CARD10: variants seen among roughly 807,000 people sequenced by gnomAD.
The protein encoded by CARD10 is caspase recruitment domain-containing protein 10.
Under a neutral mutation model 114.6 loss-of-function variants are expected in CARD10, and 49 were observed. The ratio of observed to expected loss-of-function variants is 0.43; its 90% CI spans 0.34 to 0.54. The LOEUF (loss-of-function observed/expected upper bound fraction) is 0.54, where lower values mean the gene tolerates loss of function less well. Among genes scored for constraint, CARD10 ranks in the 20% least tolerant of loss-of-function variants. CARD10 has a pLI of 0.03. For missense variants in CARD10, 1,206 were observed against 1,397.2 expected (o/e 0.86, Z 2.18); for synonymous variants, 602 against 593.2 (o/e 1.01, Z -0.21).
intron 7 of CARD10, among the ~76,000 whole-genome samples, chr22:37,505,190 G>C (rs1208783751): frequency 6.6e-6 from 1 of 151,890 alleles, no homozygotes; most frequent in Non-Finnish European, 1.5e-5. Context: ...CCAGGCGAGA[G>C]GACAAGAGGA....
At position 37,492,942 on chromosome 22, in the gene CARD10, C is replaced by CACA; in HGVS notation, c.2477-141_2477-140insTGT. ...CCTCCTACACATGCACACACACACA[C>CACA]CCTTAGTAGGACCGACGGTGGCAGT... On this transcript the variant is annotated intron_variant, in intron 16 of 19. Coordinates refer to ENST00000251973, the MANE Select transcript of CARD10 (RefSeq NM_014550.4). The surrounding 1 kb of genome is among the most constrained non-coding windows in gnomAD (Gnocchi z 5.7). The CACA allele has an allele frequency of 1.2e-6, 1 of 848,886 alleles. No homozygotes were observed. Among genetic ancestry groups the CACA allele is most frequent in the Non-Finnish European group, 1.8e-6 (1 of 558,366 alleles). The allele number at this position is 848,886 out of a possible 1,614,324, so 52.6% of individuals were successfully genotyped here. A position where few individuals can be genotyped will look rare whatever the true frequency, so the allele number is the denominator to read the frequency against.
chr22:37,519,360 CCTCGGGCTCCCGGGTCCGCA>C lies in CARD10; in HGVS notation c.-180_-161del. ...CGACTCACCCCGCACGCTACAGTCGCCTCGGGCTCCCGGGTCCGCACTCGGGCGGCGGCTCCGCCGGCGCA... is the reference window on the plus strand; with the variant it reads ...CGACTCACCCCGCACGCTACAGTCGCCTCGGGCGGCGGCTCCGCCGGCGCA... On this transcript the variant is annotated 5_prime_UTR_variant, in exon 1 of 20. Transcript: ENST00000251973. This position sits in a 1 kb window ranked among gnomAD's most constrained non-coding sequence, Gnocchi z 4.1. 8.1e-7 allele frequency: 1 copy of C among 1,234,954 alleles called. No individual in the cohort carries two copies. The highest frequency in any genetic ancestry group is 1.0e-6 in the Non-Finnish European group (1 of 989,680). The allele number at this position is 1,234,954 out of a possible 1,614,324, so 76.5% of individuals were successfully genotyped here.
intron 3 of CARD10, among the ~76,000 whole-genome samples, chr22:37,511,275 T>G (rs1226923489): frequency 6.8e-6 from 1 of 147,132 alleles, no homozygotes; most frequent in African/African-American, 2.5e-5. Flanking sequence ...GAGAATCACT[T>G]GAGCTTTGGG....
In CARD10 at chr22:37,491,665, G is replaced by GGA; in HGVS notation, c.2864+88_2864+89dup. 4.8e-6 allele frequency: 3 copies of GGA among 627,060 alleles called. No individual in the cohort carries two copies. The Admixed American group carries it at 6.5e-5, about 14-fold the overall frequency. 38.8% of individuals were successfully genotyped at this position (627,060 alleles called of 1,614,324 possible). On this transcript the variant is annotated intron_variant, in intron 19 of 19. Transcript: ENST00000251973. Reference sequence around the variant, plus strand: ...GAGGGGGAGGGAGAAAGAGGGGGAGGGAGAGAGAGGGGGGAGGGAGAGAGG... The same window carrying GGA: ...GAGGGGGAGGGAGAAAGAGGGGGAGGGAGAGAGAGAGGGGGGAGGGAGAGAGG...
intron 6 of CARD10, 52 bp from the exon 7 acceptor site, chr22:37,506,435 T>A (rs1923412031): frequency 7.1e-7 from 1 of 1,399,274 alleles, no homozygotes; most frequent in Non-Finnish European, 9.7e-7. Flanking sequence ...TTGGCCCAGC[T>A]TTCCTGGCCT....
intron 4 of CARD10, 114 bp from the exon 5 acceptor site, chr22:37,508,796 C>G (rs1479219265): frequency 7.8e-7 from 1 of 1,283,616 alleles, no homozygotes; most frequent in Non-Finnish European, 1.1e-6. Context: ...CCAGCTCTGC[C>G]ATGCTGGCCC....
At chr22:37,494,886 A>C (rs1387238790) in intron 15 of CARD10, among the ~76,000 whole-genome samples, 1 of 152,034 alleles carries the variant, frequency 6.6e-6, no homozygotes, top group African/African-American at 2.4e-5. Flanking sequence ...TCACTTGCCC[A>C]TGTGCACAGC....
Position 37,504,776 on chromosome 22 carries a change from G to A in CARD10, c.1384-7C>T, listed in dbSNP as rs1923346685. ...AATGGGAGGAGGCACAGGCCTGGAA[G>A]AGGGAGAGGAGAGGAAGGAGGTGAG... On this transcript the variant is annotated splice_region_variant and splice_polypyrimidine_tract_variant and intron_variant, in intron 7 of 19. Transcript: ENST00000251973. The A allele has an allele frequency of 2.0e-6, 3 of 1,513,684 alleles. No homozygotes were observed. Among genetic ancestry groups the A allele is most frequent in the Non-Finnish European group, 1.8e-6 (2 of 1,131,582 alleles). The allele number at this position is 1,513,684 out of a possible 1,614,324, so 93.8% of individuals were successfully genotyped here.
At position 37,496,429 on chromosome 22, in the gene CARD10, G is replaced by T; in HGVS notation, c.2059+20C>A. ...GGACCCCTCTGGGGCCAACAGCTCC[G>T]ACTCCCAAGCCAGACTTACCCTTCG... On this transcript the variant is annotated intron_variant, in intron 13 of 19. Coordinates refer to ENST00000251973, the MANE Select transcript of CARD10 (RefSeq NM_014550.4). The surrounding 1 kb of genome is among the most constrained non-coding windows in gnomAD (Gnocchi z 4.1). 6.3e-7 allele frequency: 1 copy of T among 1,575,954 alleles called. No homozygotes were observed. The highest frequency in any genetic ancestry group is 1.1e-5 in the South Asian group (1 of 90,096).
intron 11 of CARD10, 97 bp downstream of exon 11, chr22:37,502,505 C>T (rs1267903192): frequency 3.7e-6 from 5 of 1,362,016 alleles, no homozygotes; most frequent in Middle Eastern, 2.3e-4. Context: ...CCAATAGTTG[C>T]ATAAAACAGG....
rs1681458607 is a variant in CARD10, at chr22:37,492,490, G to C, written c.2696C>G (p.Pro899Arg). ...CCTGCTGCCTAGCCCAGGGGTGGCA[G>C]GCTGAGCCTTGGGGGCTCCAGGCGC... ...SSAPGAPKAQ[P>R]ATPGLGSRIR... Residue 899 changes from proline (P) to arginine (R), a missense_variant, in exon 18 of 20, where the codon CCT (proline) becomes CGT (arginine). By Grantham distance (103) the Pro-to-Arg change is moderately radical (BLOSUM62 -2). Around this residue, in one of 2 missense-constraint regions of CARD10, gnomAD observed 1,068 missense variants for 1,179.1 expected, o/e 0.91. Coordinates refer to ENST00000251973, the MANE Select transcript of CARD10 (RefSeq NM_014550.4). The surrounding 1 kb of genome is among the most constrained non-coding windows in gnomAD (Gnocchi z 5.7). 1 of 1,603,462 alleles carries C rather than the reference G, an allele frequency of 6.2e-7. No individual in the cohort carries two copies. The highest frequency in any genetic ancestry group is 8.5e-7 in the Non-Finnish European group (1 of 1,173,834).
intron 15 of CARD10, among the ~76,000 whole-genome samples, chr22:37,495,006 A>AGGC (rs1030926291): frequency 1.3e-5 from 2 of 151,526 alleles, no homozygotes; most frequent in African/African-American, 4.9e-5. Context: ...CCTGTGGCCC[A>AGGC]GGCTGGAGTG....
Position 37,491,139 on chromosome 22 carries a change from G to T in CARD10, c.*20C>A. 1 of 1,528,186 alleles carries T rather than the reference G, an allele frequency of 6.5e-7. No homozygotes were observed. Among genetic ancestry groups the T allele is most frequent in the Non-Finnish European group, 8.9e-7 (1 of 1,129,080 alleles). 94.7% of individuals were successfully genotyped at this position (1,528,186 alleles called of 1,614,324 possible). On this transcript the variant is annotated 3_prime_UTR_variant, in exon 20 of 20. Coordinates refer to ENST00000251973, the MANE Select transcript of CARD10 (RefSeq NM_014550.4). ...GGGTCCACGCTGGCTTGGGGAGAAGGTGCAGGTATCAGATGAGCCTCAGGC... is the reference window on the plus strand; with the variant it reads ...GGGTCCACGCTGGCTTGGGGAGAAGTTGCAGGTATCAGATGAGCCTCAGGC...
chr22:37,509,399 C>T (rs1315208910), intron 4 of CARD10, among the ~76,000 whole-genome samples: 1 of 152,104 alleles, frequency 6.6e-6, no homozygotes, highest in African/African-American at 2.4e-5. Flanking sequence ...GCTGCTCACA[C>T]ACCCTAGACC....
In CARD10 at chr22:37,508,536, C is replaced by A. The variant is rs1293658093; in HGVS notation, c.1056G>T (p.Leu352=). Residue 352 remains leucine, a synonymous_variant, in exon 5 of 20, where the codon CTG becomes CTT. Transcript: ENST00000251973. The part of the protein sequence containing the change: ...VQGELQWAEE[L]RDQYLQEMED... ...ACGGGCAGGGCCCCACCTGGTCGCG[C>A]AGCTCCTCGGCCCACTGCAGCTCCC... 4 of 1,593,538 alleles carry A rather than the reference C, an allele frequency of 2.5e-6. No homozygotes were observed. The highest frequency in any genetic ancestry group is 3.4e-6 in the Non-Finnish European group (4 of 1,176,580).
At chr22:37,494,415 C>CG in intron 15 of CARD10, 1 of 572,498 alleles carries the variant, frequency 1.7e-6, no homozygotes, top group Non-Finnish European at 3.1e-6. Context: ...CTGTGGCCCC[C>CG]GGGAAGCCAG....
Position 37,492,350 on chromosome 22 carries a change from T to C in CARD10, c.2751+85A>G. The C allele has an allele frequency of 3.8e-6, 4 of 1,046,958 alleles. No homozygotes were observed. The highest frequency in any genetic ancestry group is 1.6e-5 in the South Asian group (1 of 61,116). 64.9% of individuals were successfully genotyped at this position (1,046,958 alleles called of 1,614,324 possible). A position where few individuals can be genotyped will look rare whatever the true frequency, so the allele number is the denominator to read the frequency against. ...GTGAGCAGCAGAGCATGGCCCGCGCTCAGACGCTGGCGCTCAAGCCCAGAA... is the reference window on the plus strand; with the variant it reads ...GTGAGCAGCAGAGCATGGCCCGCGCCCAGACGCTGGCGCTCAAGCCCAGAA... On this transcript the variant is annotated intron_variant, in intron 18 of 19. Transcript: ENST00000251973. This position sits in a 1 kb window ranked among gnomAD's most constrained non-coding sequence, Gnocchi z 5.7.
In CARD10 at chr22:37,496,598, C is replaced by T. The variant is rs765039631; in HGVS notation, c.1948-38G>A. Reference sequence around the variant, plus strand: ...CCAGGCAGGGAGGGAAAGAAGTGAGCCTCTGAGAGTAGAGCAGCCCAGGGG... The same window carrying T: ...CCAGGCAGGGAGGGAAAGAAGTGAGTCTCTGAGAGTAGAGCAGCCCAGGGG... On this transcript the variant is annotated intron_variant, in intron 12 of 19. Coordinates refer to ENST00000251973, the MANE Select transcript of CARD10 (RefSeq NM_014550.4). The surrounding 1 kb of genome is among the most constrained non-coding windows in gnomAD (Gnocchi z 4.1). The T allele has an allele frequency of 9.5e-6, 14 of 1,477,202 alleles. No homozygotes were observed. The highest frequency in any genetic ancestry group is 8.5e-5 in the Admixed American group (5 of 59,152). The allele number at this position is 1,477,202 out of a possible 1,614,324, so 91.5% of individuals were successfully genotyped here. A position where few individuals can be genotyped will look rare whatever the true frequency, so the allele number is the denominator to read the frequency against.
chr22:37,519,308 C>A lies in CARD10; in HGVS notation c.-108G>T. 1 of 1,341,452 alleles carries A rather than the reference C, an allele frequency of 7.5e-7. No homozygotes were observed. The highest frequency in any genetic ancestry group is 3.1e-5 in the East Asian group (1 of 32,660). The allele number at this position is 1,341,452 out of a possible 1,614,324, so 83.1% of individuals were successfully genotyped here. The stretch of plus-strand genomic sequence containing the variant: ...CCCGGGGCGTCGTCCGCAGACCCGC[C>A]GTCGGGGGCGCGCCCCGAGCTCCCC... On this transcript the variant is annotated 5_prime_UTR_variant, in exon 1 of 20. Coordinates refer to ENST00000251973, the MANE Select transcript of CARD10 (RefSeq NM_014550.4). This position sits in a 1 kb window ranked among gnomAD's most constrained non-coding sequence, Gnocchi z 4.1.
Sources: gnomAD v4.1 joint callset for allele counts (sites outside exome capture counted in the v4.1 genomes callset) on GRCh38, gnomAD v4.1.1 for gene constraint, gnomAD v4.1.1 regional missense constraint, Gnocchi (gnomAD v3.1) non-coding constraint, MANE v1.5 for transcripts, NCBI Gene and HGNC (gene_info 2026-07-23, HGNC 2026-07-21) for gene names.